Variants in NCOR1 observed in about 807,000 individuals in gnomAD.
NCOR1 encodes the protein protein phosphatase 1, regulatory subunit 109.
Under a neutral mutation model 288.1 loss-of-function variants are expected in NCOR1, and 63 were observed. The ratio of observed to expected loss-of-function variants is 0.22; its 90% CI spans 0.18 to 0.27. NCOR1 has a LOEUF of 0.27. Ranked by LOEUF, NCOR1 falls within the 10% of genes least tolerant of loss-of-function variation. The probability of loss-of-function intolerance (pLI) is 1.00; values close to 1 mark genes in which losing one functional copy is unlikely to be tolerated. For missense variants in NCOR1, 2,397 were observed against 3,019.2 expected (o/e 0.79, Z 4.83); for synonymous variants, 1,007 against 1,065.9 (o/e 0.94, Z 1.08).
chr17:16,200,784 A>G (rs910107294), intron 1 of NCOR1, among the ~76,000 whole-genome samples: 5 of 151,938 alleles, frequency 3.3e-5, no homozygotes, highest in African/African-American at 1.2e-4. Context: ...AGTTCCCACA[A>G]AGCTGTCCAG....
intron 3 of NCOR1, among the ~76,000 whole-genome samples, chr17:16,174,332 A>G (rs1054199471): frequency 6.6e-6 from 1 of 152,226 alleles, no homozygotes; most frequent in Admixed American, 6.5e-5. Flanking sequence ...ATCCTCCACT[A>G]AGGCCAGAGG....
chr17:16,194,538 C>G lies in NCOR1; in HGVS notation c.32G>C (p.Gly11Ala). Residue 11 changes from glycine (G) to alanine (A), a missense_variant, in exon 2 of 46, where the codon GGA becomes GCA. By Grantham distance (60) the Gly-to-Ala change is moderately conservative. Around this residue, in one of 11 missense-constraint regions of NCOR1, gnomAD observed 55 missense variants for 69.6 expected, o/e 0.79. Transcript: ENST00000268712. ...ACGACTTTGTTCTGTGCTGAATGCT[C>G]CTTGGTTGGGAGGATAACCTGAACT... MSSSGYPPNQ[G>A]AFSTEQSRYP... 1 of 1,608,644 alleles carries G rather than the reference C, an allele frequency of 6.2e-7. No homozygotes were observed. The highest frequency in any genetic ancestry group is 8.5e-7 in the Non-Finnish European group (1 of 1,177,350).
chr17:16,169,562 A>G (rs1384694264), intron 4 of NCOR1, among the ~76,000 whole-genome samples: 1 of 152,178 alleles, frequency 6.6e-6, no homozygotes, highest in East Asian at 1.9e-4. Context: ...TAGTAGAAGT[A>G]GTCATGGTTT....
chr17:16,075,452 G>A (rs2062324934), intron 27 of NCOR1, 82 bp downstream of exon 27: 2 of 1,456,908 alleles, frequency 1.4e-6, no homozygotes, highest in Admixed American at 3.6e-5. Context: ...GACTCCCAGA[G>A]AGCAGAAATG....
intron 1 of NCOR1, among the ~76,000 whole-genome samples, chr17:16,199,427 G>A (rs1251374541): frequency 6.6e-6 from 1 of 152,094 alleles, no homozygotes; most frequent in East Asian, 1.9e-4. Flanking sequence ...TTCCTCAAAA[G>A]TCTTAAATGA....
chr17:16,062,761 C>A lies in NCOR1; in HGVS notation c.5222-491G>T, dbSNP rs534990162. On this transcript the variant is annotated intron_variant, in intron 35 of 45. Coordinates refer to ENST00000268712, the MANE Select transcript of NCOR1 (RefSeq NM_006311.4). ...TGCCCTGCTTCACTTCTTCACTGTC[C>A]CCTTCACAGGTGACTCTTTCTCTCA... Among the ~76,000 whole-genome samples the A allele has an allele frequency of 4.6e-5, 7 of 152,292 alleles. No homozygotes were observed. In the South Asian group the frequency reaches 1.4e-3, roughly 32 times the overall value.
chr17:16,163,057 G>A (rs963212454), intron 5 of NCOR1, among the ~76,000 whole-genome samples: 8 of 152,014 alleles, frequency 5.3e-5, no homozygotes, highest in African/African-American at 1.9e-4. Context: ...AATATAAGAG[G>A]TAAAACTATA....
intron 40 of NCOR1, among the ~76,000 whole-genome samples, chr17:16,055,082 TAA>T (rs1337054372): frequency 3.9e-5 from 6 of 152,178 alleles, no homozygotes; most frequent in African/African-American, 1.2e-4. Context: ...GGTGGGAGTG[TAA>T]ATTAGTTCAA....
Position 16,030,170 on chromosome 17 carries a change from A to G in NCOR1, c.*2126T>C. The G allele has an allele frequency of 4.9e-6, 1 of 202,920 alleles. No individual in the cohort carries two copies. The highest frequency in any genetic ancestry group is 1.0e-5 in the Non-Finnish European group (1 of 99,918). The allele number at this position is 202,920 out of a possible 1,614,324, so 12.6% of individuals were successfully genotyped here. On this transcript the variant is annotated 3_prime_UTR_variant, in exon 46 of 46. Transcript: ENST00000268712. ...AGCTAGAGAAGAGAAAATGTTTGTT[A>G]AGATTATAAGGAAGAGAAAATATAT...
At chr17:16,169,938 A>T (rs2082801407) in intron 4 of NCOR1, among the ~76,000 whole-genome samples, 1 of 152,164 alleles carries the variant, frequency 6.6e-6, no homozygotes, top group Non-Finnish European at 1.5e-5. Flanking sequence ...GTCACAAAAC[A>T]CCTAGAAGCT....
Position 16,147,770 on chromosome 17 carries a change from C to G in NCOR1, c.910-1222G>C, listed in dbSNP as rs555554650. 2.0e-5 allele frequency among the ~76,000 whole-genome samples: 3 copies of G among 152,284 alleles called. No homozygotes were observed. The South Asian group carries it at 6.2e-4, about 32-fold the overall frequency. On this transcript the variant is annotated intron_variant, in intron 9 of 45. Coordinates refer to ENST00000268712, the MANE Select transcript of NCOR1 (RefSeq NM_006311.4). ...AATCCAGGCCAACACCATCCCTCACCTAGATCAAAACAATAGCTCCCATGC... is the reference window on the plus strand; with the variant it reads ...AATCCAGGCCAACACCATCCCTCACGTAGATCAAAACAATAGCTCCCATGC...
At chr17:16,104,944 G>T (rs772068933) in intron 19 of NCOR1, among the ~76,000 whole-genome samples, 4 of 152,156 alleles carry the variant, frequency 2.6e-5, no homozygotes, top group Non-Finnish European at 4.4e-5. Flanking sequence ...AGCATCCCAG[G>T]TAGAGGGATT....
intron 8 of NCOR1, among the ~76,000 whole-genome samples, chr17:16,150,476 A>G (rs1248244086): frequency 1.3e-5 from 2 of 152,216 alleles, no homozygotes; most frequent in Non-Finnish European, 2.9e-5. Flanking sequence ...TCAGTTTGCT[A>G]TAATTTTAAG....
rs184796284 is a variant in NCOR1 at position 16,211,463 on chromosome 17, C to T, written c.-71+3899G>A. ...GTGCAGGTTGGTCTCAAACTCCTGG[C>T]CTCAAGTGGTCCTATCACCTCAGCC... On this transcript the variant is annotated intron_variant, in intron 1 of 45. Transcript: ENST00000268712. 1.6e-4 allele frequency among the ~76,000 whole-genome samples: 24 copies of T among 152,050 alleles called. 1 individual carries two copies. The highest frequency in any genetic ancestry group is 5.8e-4 in the African/African-American group (24 of 41,472).
At chr17:16,173,025 G>A (rs911044978) in intron 3 of NCOR1, among the ~76,000 whole-genome samples, 5 of 152,080 alleles carry the variant, frequency 3.3e-5, no homozygotes, top group Non-Finnish European at 5.9e-5. Flanking sequence ...CCACCTCCCG[G>A]ATTCAAGTGA....
chr17:16,176,600 T>G (rs1029428034), intron 3 of NCOR1, among the ~76,000 whole-genome samples: 17 of 150,624 alleles, frequency 1.1e-4, no homozygotes, highest in Admixed American at 5.9e-4. Context: ...AATTGCTCAG[T>G]GCTTTCATGT....
At chr17:16,200,986 C>A (rs536214485) in intron 1 of NCOR1, among the ~76,000 whole-genome samples, 32 of 152,276 alleles carry the variant, frequency 2.1e-4, no homozygotes, top group African/African-American at 6.3e-4. Flanking sequence ...GTAATTTGTA[C>A]AAGACCAGAG....
chr17:16,067,692 T>C (rs2061292307), intron 32 of NCOR1, among the ~76,000 whole-genome samples: 1 of 152,206 alleles, frequency 6.6e-6, no homozygotes, highest in African/African-American at 2.4e-5. Context: ...ACTATTCTTT[T>C]TAGTTCTTTA....
Position 16,127,291 on chromosome 17 carries a change from A to G in NCOR1, c.1510-1085T>C, listed in dbSNP as rs1454310745. On this transcript the variant is annotated intron_variant, in intron 14 of 45. Transcript: ENST00000268712. ...TATGTATGTATATATACGTGTATAT[A>G]TGTATGTATGTATATATACATGTAT... Among the ~76,000 whole-genome samples, 98 of 113,300 alleles carry G rather than the reference A, an allele frequency of 8.6e-4. 24 individuals carry two copies. The highest frequency in any genetic ancestry group is 3.3e-3 in the African/African-American group (93 of 28,124). 74.3% of individuals were successfully genotyped at this position (113,300 alleles called of 152,430 possible).
Sources: allele counts gnomAD v4.1 joint callset (sites outside exome capture counted in the v4.1 genomes callset), GRCh38; gene constraint gnomAD v4.1.1; regional missense constraint gnomAD v4.1.1; transcripts MANE v1.5; gene names NCBI Gene and HGNC (gene_info 2026-07-23, HGNC 2026-07-21).